TXK: variants seen among roughly 807,000 people sequenced by gnomAD.
TXK encodes tyrosine-protein kinase TXK.
Under a neutral mutation model 81.0 loss-of-function variants are expected in TXK, and 60 were observed. The observed-to-expected ratio is 0.74, with a 90% confidence interval of 0.60 to 0.92. The LOEUF is 0.92. TXK is among the 40% of genes least tolerant of loss of function. The pLI, the probability that TXK is intolerant of heterozygous loss-of-function variation, is 0.00. For synonymous variants in TXK, 203 were observed against 210.7 expected, an observed-to-expected ratio of 0.96 and a Z score of 0.32; for missense variants, 581 against 638.3, an observed-to-expected ratio of 0.91 and a Z score of 0.97.
intron 6 of TXK, among the ~76,000 whole-genome samples, chr4:48,102,221 C>T (rs1577669166): frequency 6.6e-6 from 1 of 152,170 alleles, no homozygotes; most frequent in East Asian, 1.9e-4. Context: ...TCAAGTGATC[C>T]ACCCGCCTCG....
chr4:48,113,508 G>A lies in TXK; in HGVS notation c.72-199C>T, dbSNP rs555405195. Among the ~76,000 whole-genome samples, 167 of 152,154 alleles carry A rather than the reference G, an allele frequency of 1.1e-3. 1 individual carries two copies. The highest frequency in any genetic ancestry group is 1.9e-3 in the Non-Finnish European group (126 of 68,030). On this transcript the variant is annotated intron_variant, in intron 2 of 14. Coordinates refer to ENST00000264316, the MANE Select transcript of TXK (RefSeq NM_003328.3). The stretch of plus-strand genomic sequence containing the variant: ...AAGTTTCCTTCTCCAGGAACTAGAG[G>A]TGCTAAGAGCATAGAGTTGTTATAA...
intron 1 of TXK, among the ~76,000 whole-genome samples, chr4:48,132,825 A>C (rs1454458191): frequency 6.6e-6 from 1 of 152,104 alleles, no homozygotes; most frequent in Non-Finnish European, 1.5e-5. Flanking sequence ...ATGCGCCTGT[A>C]GTCCCAGCTA....
At chr4:48,111,085 G>A (rs553301064) in intron 4 of TXK, among the ~76,000 whole-genome samples, 1 of 152,292 alleles carries the variant, frequency 6.6e-6, no homozygotes, top group African/African-American at 2.4e-5. Context: ...GACGGGAATT[G>A]CTAAGTCACG....
rs201945499 is a variant in TXK, at chr4:48,104,913, T to C, written c.489A>G (p.Leu163=). Reference sequence around the variant, plus strand: ...TACATTGAATTACCTCTTGTCTCAATAGATGTTCTGCCTGATTTCTGGTAA... The same window carrying C: ...TACATTGAATTACCTCTTGTCTCAACAGATGTTCTGCCTGATTTCTGGTAA... The part of the protein sequence containing the change: ...RNITRNQAEH[L]LRQESKEGAF... The change falls in exon 6 of 15, where the codon CTA becomes CTG. Residue 163 remains leucine, a synonymous_variant. Coordinates refer to ENST00000264316, the MANE Select transcript of TXK (RefSeq NM_003328.3). 2.9e-4 allele frequency: 466 copies of C among 1,597,876 alleles called. No homozygotes were observed. Among genetic ancestry groups the C allele is most frequent in the Admixed American group, 3.6e-4 (21 of 58,166 alleles).
chr4:48,133,298 C>G (rs1407045403), intron 1 of TXK, among the ~76,000 whole-genome samples: 1 of 152,044 alleles, frequency 6.6e-6, no homozygotes, highest in Non-Finnish European at 1.5e-5. Flanking sequence ...AGGATCTTCA[C>G]AGATAACAGT....
chr4:48,094,733 C>A (rs1342007167), intron 7 of TXK, among the ~76,000 whole-genome samples: 3 of 152,182 alleles, frequency 2.0e-5, no homozygotes, highest in Admixed American at 6.5e-5. Context: ...TAGCATTGCT[C>A]CTGGGATGTT....
At chr4:48,091,410 A>G (rs1013078042) in intron 8 of TXK, among the ~76,000 whole-genome samples, 4 of 152,216 alleles carry the variant, frequency 2.6e-5, no homozygotes, top group African/African-American at 9.7e-5. Context: ...GGGACTCATA[A>G]GCCACGCTAG....
At chr4:48,117,773 T>A (rs1718851532) in intron 1 of TXK, among the ~76,000 whole-genome samples, 2 of 152,242 alleles carry the variant, frequency 1.3e-5, no homozygotes, top group African/African-American at 4.8e-5. Context: ...CTTTATTGTA[T>A]CCTACAGGAC....
At chr4:48,097,439 A>ATTTTTT (rs1718024614) in intron 6 of TXK, among the ~76,000 whole-genome samples, 1 of 40,728 alleles carries the variant, frequency 2.5e-5, no homozygotes. Context: ...TTTTTTTTTG[A>ATTTTTT]GACGGAGTCC....
intron 6 of TXK, among the ~76,000 whole-genome samples, chr4:48,102,172 T>G (rs926854113): frequency 6.6e-6 from 1 of 151,562 alleles, no homozygotes; most frequent in Admixed American, 6.6e-5. Context: ...AGAGACGGGG[T>G]TTCATCATGT....
rs774970608 is a variant in TXK at position 48,067,554 on chromosome 4, A to G, written c.*83T>C. 4.7e-5 allele frequency: 65 copies of G among 1,384,092 alleles called. 1 individual carries two copies. The highest frequency in any genetic ancestry group is 6.2e-5 in the Non-Finnish European group (60 of 972,214). The allele number at this position is 1,384,092 out of a possible 1,614,324, so 85.7% of individuals were successfully genotyped here. On this transcript the variant is annotated 3_prime_UTR_variant, in exon 15 of 15. Transcript: ENST00000264316. Reference sequence around the variant, plus strand: ...GCAACTCTGAAGAAAGATATTCACCATAAGTGACCCCATATGGTGAAGATA... The same window carrying G: ...GCAACTCTGAAGAAAGATATTCACCGTAAGTGACCCCATATGGTGAAGATA...
At chr4:48,091,782 G>A (rs868134888) in intron 8 of TXK, among the ~76,000 whole-genome samples, 12 of 152,212 alleles carry the variant, frequency 7.9e-5, no homozygotes, top group South Asian at 2.1e-4. Flanking sequence ...TGTAATTACA[G>A]GCATGAGCCA....
At chr4:48,099,870 A>T (rs1718119726) in intron 6 of TXK, among the ~76,000 whole-genome samples, 2 of 152,246 alleles carry the variant, frequency 1.3e-5, no homozygotes, top group African/African-American at 4.8e-5. Context: ...AGGAAAAATT[A>T]CAAATGGATC....
intron 1 of TXK, among the ~76,000 whole-genome samples, chr4:48,133,923 A>G (rs577599210): frequency 6.6e-6 from 1 of 152,150 alleles, no homozygotes; most frequent in East Asian, 1.9e-4. Context: ...ATTTCTGGAC[A>G]CTCTTTCTGT....
chr4:48,130,537 C>T (rs1473356044), intron 1 of TXK, among the ~76,000 whole-genome samples: 2 of 152,168 alleles, frequency 1.3e-5, no homozygotes, highest in African/African-American at 4.8e-5. Context: ...GGAGCCGCCA[C>T]CTCTGTAACC....
chr4:48,114,411 C>T lies in TXK; in HGVS notation c.17-9G>A, dbSNP rs753833268. The stretch of plus-strand genomic sequence containing the variant: ...CGACTGGATGGTGTTATCTGAAAAG[C>T]AGATCATTTCTCAGCTGTTAGAAAG... On this transcript the variant is annotated splice_polypyrimidine_tract_variant and intron_variant, in intron 1 of 14. Transcript: ENST00000264316. 5 of 1,614,052 alleles carry T rather than the reference C, an allele frequency of 3.1e-6. No homozygotes were observed. The highest frequency in any genetic ancestry group is 4.2e-6 in the Non-Finnish European group (5 of 1,179,964).
intron 1 of TXK, among the ~76,000 whole-genome samples, chr4:48,127,708 G>C (rs919432038): frequency 2.0e-5 from 3 of 152,184 alleles, no homozygotes; most frequent in African/African-American, 4.8e-5. Flanking sequence ...TATCTCTAAT[G>C]ATGAGCCTCA....
intron 14 of TXK, among the ~76,000 whole-genome samples, chr4:48,071,192 G>A (rs939537811): frequency 5.9e-5 from 9 of 152,172 alleles, no homozygotes; most frequent in South Asian, 4.1e-4. Context: ...GAGTCACTGC[G>A]CCCGGCCCAT....
intron 1 of TXK, 76 bp downstream of exon 1, chr4:48,134,079 A>C: frequency 1.9e-6 from 3 of 1,562,326 alleles, no homozygotes; most frequent in Non-Finnish European, 2.6e-6. Context: ...GGAAAAAAAA[A>C]ACTTCCTCTG....
Sources: gnomAD v4.1 joint callset for allele counts (sites outside exome capture counted in the v4.1 genomes callset) on GRCh38, gnomAD v4.1.1 for gene constraint, MANE v1.5 for transcripts, NCBI Gene and HGNC (gene_info 2026-07-23, HGNC 2026-07-21) for gene names.